The following SLC9A2 variants were observed in gnomAD, a reference collection of about 807,000 sequenced individuals.
SLC9A2 encodes sodium/hydrogen exchanger 2.
In SLC9A2, 42 loss-of-function variants were observed where a neutral mutation model predicts 71.7. The observed-to-expected ratio is 0.59, with a 90% CI of 0.46 to 0.76. SLC9A2 has a LOEUF of 0.76. SLC9A2 is among the 30% of genes least tolerant of loss of function. SLC9A2 has a pLI of 0.00. For synonymous variants in SLC9A2, 396 were observed against 392.5 expected (o/e 1.01, Z -0.10); for missense variants, 829 against 1,017.4 (o/e 0.81, Z 2.52).
chr2:102,635,894 T>C (rs939339244), intron 1 of SLC9A2, among the ~76,000 whole-genome samples: 1 of 152,092 alleles, frequency 6.6e-6, no homozygotes, highest in African/African-American at 2.4e-5. Context: ...TTTTCTTTTT[T>C]TTTTTTTGAT....
intron 1 of SLC9A2, among the ~76,000 whole-genome samples, chr2:102,622,593 G>T (rs897662384): frequency 6.6e-6 from 1 of 152,194 alleles, no homozygotes; most frequent in Non-Finnish European, 1.5e-5. Context: ...TTAACTTGGT[G>T]GTGGGTGGTG....
At chr2:102,700,921 A>G (rs985706181) in intron 7 of SLC9A2, 149 bp from the exon 8 acceptor site, 2 of 600,992 alleles carry the variant, frequency 3.3e-6, no homozygotes, top group Non-Finnish European at 6.0e-6. Flanking sequence ...ACAGGTAGGC[A>G]CATACTAAAT....
At chr2:102,691,152 C>G (rs1438128264) in intron 5 of SLC9A2, among the ~76,000 whole-genome samples, 1 of 152,216 alleles carries the variant, frequency 6.6e-6, no homozygotes, top group African/African-American at 2.4e-5. Flanking sequence ...CCTGCCCCTG[C>G]TGTTACATGA....
chr2:102,665,096 G>A lies in SLC9A2; in HGVS notation c.754-4G>A. 3.8e-6 allele frequency: 6 copies of A among 1,593,952 alleles called. No homozygotes were observed. The highest frequency in any genetic ancestry group is 5.1e-6 in the Non-Finnish European group (6 of 1,172,134). ...TTGACAAGGTGTTTTTTTTTTTCCT[G>A]CAGGTCCTGTACAACTTGTTCAAGT... On this transcript the variant is annotated splice_polypyrimidine_tract_variant and splice_region_variant and intron_variant, in intron 2 of 11. Coordinates refer to ENST00000233969, the MANE Select transcript of SLC9A2 (RefSeq NM_003048.6).
intron 1 of SLC9A2, among the ~76,000 whole-genome samples, chr2:102,633,884 T>C (rs961475031): frequency 5.3e-5 from 8 of 152,178 alleles, no homozygotes; most frequent in Non-Finnish European, 1.2e-4. Context: ...GGAGAAAAGA[T>C]GTTAAATATG....
intron 7 of SLC9A2, 130 bp downstream of exon 7, chr2:102,695,243 A>T: frequency 1.6e-6 from 1 of 643,276 alleles, no homozygotes; most frequent in Non-Finnish European, 2.7e-6. Flanking sequence ...CTCTAAGATA[A>T]AGTTCAGCTA....
intron 1 of SLC9A2, among the ~76,000 whole-genome samples, chr2:102,651,254 T>C (rs1676827898): frequency 6.6e-6 from 1 of 152,214 alleles, no homozygotes; most frequent in Non-Finnish European, 1.5e-5. Context: ...CAGCAGTGTT[T>C]TCAACGGTGG....
intron 1 of SLC9A2, among the ~76,000 whole-genome samples, chr2:102,654,733 T>C (rs1465607030): frequency 6.6e-6 from 1 of 152,208 alleles, no homozygotes; most frequent in African/African-American, 2.4e-5. Context: ...TGTGACATCA[T>C]AGGGCGTGCT....
intron 1 of SLC9A2, among the ~76,000 whole-genome samples, chr2:102,643,396 C>T (rs1470060634): frequency 6.6e-6 from 1 of 152,172 alleles, no homozygotes; most frequent in East Asian, 1.9e-4. Flanking sequence ...TGGTGTTTGG[C>T]TGGAGAGGAG....
At chr2:102,669,438 T>C (rs751842421) in intron 3 of SLC9A2, among the ~76,000 whole-genome samples, 13 of 152,334 alleles carry the variant, frequency 8.5e-5, no homozygotes, top group Non-Finnish European at 1.3e-4. Context: ...GGGAAATGTG[T>C]GTGTGTGTGC....
chr2:102,646,469 A>G (rs1037278264), intron 1 of SLC9A2, among the ~76,000 whole-genome samples: 3 of 152,196 alleles, frequency 2.0e-5, no homozygotes, highest in Admixed American at 1.3e-4. Context: ...ACTTAAATAT[A>G]AATGGGCTAA....
chr2:102,707,944 A>G (rs1457642037), intron 11 of SLC9A2, among the ~76,000 whole-genome samples, 175 bp from the exon 12 acceptor site: 1 of 152,202 alleles, frequency 6.6e-6, no homozygotes, highest in African/African-American at 2.4e-5. Context: ...GGGTGCTCCC[A>G]GGGGTTATGT....
In SLC9A2 at chr2:102,674,650, A is replaced by C. The variant is rs531123016; in HGVS notation, c.1005-8611A>C. Among the ~76,000 whole-genome samples the C allele has an allele frequency of 5.9e-5, 9 of 152,358 alleles. No homozygotes were observed. In the South Asian group the frequency reaches 1.9e-3, roughly 32 times the overall value. The stretch of plus-strand genomic sequence containing the variant: ...TCTTTGTAGTCAGGAGCCCAGCTGA[A>C]ACAGTAGAGAGAAGCTCTGTGTTAA... On this transcript the variant is annotated intron_variant, in intron 3 of 11. Coordinates refer to ENST00000233969, the MANE Select transcript of SLC9A2 (RefSeq NM_003048.6).
chr2:102,640,490 G>T (rs1464066821), intron 1 of SLC9A2, among the ~76,000 whole-genome samples: 1 of 152,160 alleles, frequency 6.6e-6, no homozygotes, highest in Non-Finnish European at 1.5e-5. Flanking sequence ...GCTCAGGTTC[G>T]ATCATTTGCT....
chr2:102,651,918 G>T (rs1438997559), intron 1 of SLC9A2, among the ~76,000 whole-genome samples: 1 of 146,540 alleles, frequency 6.8e-6, no homozygotes, highest in Non-Finnish European at 1.5e-5. Context: ...TGTGCTATCT[G>T]CAAAAGATAA....
chr2:102,692,418 G>A (rs1374990897), intron 5 of SLC9A2, among the ~76,000 whole-genome samples: 2 of 152,160 alleles, frequency 1.3e-5, no homozygotes, highest in Non-Finnish European at 2.9e-5. Flanking sequence ...TGAGATGAAA[G>A]TCAAATGCAT....
chr2:102,650,870 G>A (rs1275944880), intron 1 of SLC9A2, among the ~76,000 whole-genome samples: 1 of 152,176 alleles, frequency 6.6e-6, no homozygotes, highest in African/African-American at 2.4e-5. Context: ...GAAATCGTCT[G>A]CCACTTCTTC....
In SLC9A2 at chr2:102,619,963, G is replaced by C. The variant is rs771083625; in HGVS notation, c.115G>C (p.Ala39Pro). Reference protein sequence around the residue: ...VGALAETLLNAPRAMGTSSSP... With the variant: ...VGALAETLLNPPRAMGTSSSP... ...CGCCCTGGCGGAGACCTTGCTGAAC[G>C]CGCCGAGGGCCATGGGCACCAGTTC... is the stretch of plus-strand genomic sequence containing the variant. The change falls in exon 1 of 12, where the codon GCG (alanine) becomes CCG (proline). Residue 39 changes from alanine to proline, a missense_variant. Transcript: ENST00000233969. The surrounding 1 kb of genome is among the most constrained non-coding windows in gnomAD (Gnocchi z 4.3). 3 of 1,612,522 alleles carry C rather than the reference G, an allele frequency of 1.9e-6. No homozygotes were observed. Among genetic ancestry groups the C allele is most frequent in the Non-Finnish European group, 2.5e-6 (3 of 1,179,214 alleles).
chr2:102,655,461 T>G lies in SLC9A2; in HGVS notation c.290-2103T>G, dbSNP rs542619321. Reference sequence around the variant, plus strand: ...GAGTCACCACGCCTGGCCTATACCCTTATTCTGTAAGCTTTGTAAATTAAA... The same window carrying G: ...GAGTCACCACGCCTGGCCTATACCCGTATTCTGTAAGCTTTGTAAATTAAA... On this transcript the variant is annotated intron_variant, in intron 1 of 11. Transcript: ENST00000233969. Among the ~76,000 whole-genome samples the G allele has an allele frequency of 1.8e-3, 275 of 152,280 alleles. 2 individuals are homozygous for G. Among genetic ancestry groups the G allele is most frequent in the African/African-American group, 6.5e-3 (269 of 41,566 alleles).
Sources: gnomAD v4.1 joint callset for allele counts (sites outside exome capture counted in the v4.1 genomes callset) on GRCh38, gnomAD v4.1.1 for gene constraint, Gnocchi (gnomAD v3.1) non-coding constraint, MANE v1.5 for transcripts, NCBI Gene and HGNC (gene_info 2026-07-23, HGNC 2026-07-21) for gene names.